Variants in GOLGB1 observed in about 807,000 individuals in gnomAD.
The protein encoded by GOLGB1 is golgin subfamily B member 1.
Under a neutral mutation model 336.9 loss-of-function variants are expected in GOLGB1, and 174 were observed. The ratio of observed to expected loss-of-function variants is 0.52; its 90% confidence interval spans 0.46 to 0.59. The LOEUF (loss-of-function observed/expected upper bound fraction) is 0.59, where lower values mean the gene tolerates loss of function less well. GOLGB1 is among the 20% of genes least tolerant of loss of function. The pLI is 0.00. For synonymous variants in GOLGB1, 1,208 were observed against 1,289.2 expected, an observed-to-expected ratio of 0.94 and a Z score of 1.35; for missense variants, 3,331 against 3,645.3, an observed-to-expected ratio of 0.91 and a Z score of 2.22.
rs1942416246 is a variant in GOLGB1, at chr3:121,691,516, T to C, written c.7848A>G (p.Ile2616Met). The change falls in exon 14 of 22, where the codon ATA becomes ATG. Residue 2616 changes from isoleucine (I) to methionine (M), a missense_variant. Ile to Met is a conservative substitution (Grantham distance 10, BLOSUM62 1). Coordinates refer to ENST00000614479, the MANE Select transcript of GOLGB1 (RefSeq NM_001366282.2). ...CTGTTACTTGTCTTGTTAGCTGGGA[T>C]ATAGATACTTTCAAACTCTCAATCT... ...SKEIESLKVS[I>M]SQLTRQVTAL... 1 of 1,612,578 alleles carries C rather than the reference T, an allele frequency of 6.2e-7. No individual in the cohort carries two copies. Among genetic ancestry groups the C allele is most frequent in the Non-Finnish European group, 8.5e-7 (1 of 1,179,492 alleles).
intron 9 of GOLGB1, 40 bp downstream of exon 9, chr3:121,716,697 A>G (rs757650328): frequency 6.7e-7 from 1 of 1,493,836 alleles, no homozygotes; most frequent in African/African-American, 1.4e-5. Context: ...AGCCACTCAG[A>G]TGGTAGAGAT....
chr3:121,694,616 A>G lies in GOLGB1; in HGVS notation c.5907T>C (p.Cys1969=). Residue 1969 remains cysteine (C), a synonymous_variant, in exon 13 of 22, where the codon TGT becomes TGC. Coordinates refer to ENST00000614479, the MANE Select transcript of GOLGB1 (RefSeq NM_001366282.2). ...LESEMKNLKK[C]VSELEEEKQQ... ...GCTTTTCTTCTTCCAATTCACTCAC[A>G]CACTTTTTAAGGTTCTTCATTTCAG... The G allele has an allele frequency of 6.2e-7, 1 of 1,611,952 alleles. No homozygotes were observed. The highest frequency in any genetic ancestry group is 1.7e-5 in the Admixed American group (1 of 60,004).
At chr3:121,745,184 C>T (rs1208218018) in intron 1 of GOLGB1, among the ~76,000 whole-genome samples, 1 of 151,918 alleles carries the variant, frequency 6.6e-6, no homozygotes, top group Non-Finnish European at 1.5e-5. Flanking sequence ...CTCTATTAGG[C>T]TCACTGAGGA....
chr3:121,693,469 C>T (rs1352870990), intron 13 of GOLGB1, among the ~76,000 whole-genome samples: 1 of 152,120 alleles, frequency 6.6e-6, no homozygotes, highest in Non-Finnish European at 1.5e-5. Flanking sequence ...GCCTGGGTGA[C>T]AAGAGCAAGA....
At chr3:121,733,094 C>T (rs1300116899) in intron 1 of GOLGB1, among the ~76,000 whole-genome samples, 2 of 151,506 alleles carry the variant, frequency 1.3e-5, no homozygotes, top group Middle Eastern at 3.2e-3. Context: ...GAGGCCAGGG[C>T]GGGCGGATCA....
chr3:121,730,097 TTA>T, intron 2 of GOLGB1, 80 bp from the exon 3 acceptor site: 1 of 924,844 alleles, frequency 1.1e-6, no homozygotes, highest in Middle Eastern at 2.2e-4. Flanking sequence ...TTCCAACTTT[TTA>T]TGTTTTGCCC....
intron 20 of GOLGB1, among the ~76,000 whole-genome samples, chr3:121,666,607 G>A (rs1938651171): frequency 6.6e-6 from 1 of 152,162 alleles, no homozygotes; most frequent in Admixed American, 6.5e-5. Flanking sequence ...TGGAAAGAAA[G>A]GTATCTCAAG....
At chr3:121,739,760 G>A (rs900238323) in intron 1 of GOLGB1, among the ~76,000 whole-genome samples, 1 of 152,162 alleles carries the variant, frequency 6.6e-6, no homozygotes, top group Non-Finnish European at 1.5e-5. Flanking sequence ...AGAACCTGCT[G>A]TATATAAACA....
Position 121,697,216 on chromosome 3 carries a change from T to G in GOLGB1, c.3307A>C (p.Asn1103His). Residue 1103 changes from asparagine to histidine, a missense_variant, in exon 13 of 22, where the codon AAT becomes CAT. Coordinates refer to ENST00000614479, the MANE Select transcript of GOLGB1 (RefSeq NM_001366282.2). The part of the protein sequence containing the change: ...EQFQALVKQM[N>H]QTLQDKTNQI... The stretch of plus-strand genomic sequence containing the variant: ...TTTGTTTTATCTTGCAAGGTCTGAT[T>G]CATCTGTTTGACCAGAGCCTGGAAT... 6.2e-7 allele frequency: 1 copy of G among 1,614,112 alleles called. No individual in the cohort carries two copies. Among genetic ancestry groups the G allele is most frequent in the Non-Finnish European group, 8.5e-7 (1 of 1,179,980 alleles).
chr3:121,709,623 A>C (rs778779289), intron 10 of GOLGB1, among the ~76,000 whole-genome samples: 1 of 152,214 alleles, frequency 6.6e-6, no homozygotes, highest in Admixed American at 6.5e-5. Context: ...ACTTAGAAAA[A>C]TGTTCAAAAA....
rs181922886 is a variant in GOLGB1 at position 121,703,240 on chromosome 3, C to T, written c.1405-645G>A. Among the ~76,000 whole-genome samples the T allele has an allele frequency of 2.1e-3, 318 of 152,158 alleles. 2 individuals carry two copies. The highest frequency in any genetic ancestry group is 0.012 in the South Asian group (57 of 4,816). Reference sequence around the variant, plus strand: ...TCATACAATTGTAGAATTTTTAAGCCATGAGGGTCTTTACAGCATATTTGA... The same window carrying T: ...TCATACAATTGTAGAATTTTTAAGCTATGAGGGTCTTTACAGCATATTTGA... On this transcript the variant is annotated intron_variant, in intron 10 of 21. Transcript: ENST00000614479.
chr3:121,673,832 T>C (rs1939931281), intron 17 of GOLGB1, among the ~76,000 whole-genome samples: 1 of 152,150 alleles, frequency 6.6e-6, no homozygotes, highest in South Asian at 2.1e-4. Flanking sequence ...GTGATTCACA[T>C]GCCTCAGCCA....
intron 1 of GOLGB1, among the ~76,000 whole-genome samples, chr3:121,733,460 C>G (rs971745268): frequency 6.6e-5 from 10 of 151,962 alleles, no homozygotes; most frequent in African/African-American, 2.4e-4. Context: ...CTATTGAAAA[C>G]CCGAGGAAGA....
intron 2 of GOLGB1, 53 bp downstream of exon 2, chr3:121,730,823 G>A: frequency 6.5e-7 from 1 of 1,540,722 alleles, no homozygotes; most frequent in Middle Eastern, 1.7e-4. Context: ...ATTTTCCTTA[G>A]AAGAACACAG....
chr3:121,725,559 G>T (rs1027771845), intron 5 of GOLGB1, among the ~76,000 whole-genome samples: 4 of 152,162 alleles, frequency 2.6e-5, no homozygotes, highest in African/African-American at 9.7e-5. Flanking sequence ...GTGCAGGAAT[G>T]AGCTAAGACT....
At chr3:121,683,154 GGCCTCCCGA>G (rs1228469600) in intron 14 of GOLGB1, among the ~76,000 whole-genome samples, 1 of 134,244 alleles carries the variant, frequency 7.4e-6, no homozygotes, top group East Asian at 2.2e-4. Context: ...CCTCCACCTT[GGCCTCCCGA>G]AGTGCTGGGA....
At position 121,690,925 on chromosome 3, in the gene GOLGB1, TTGG is replaced by T; in HGVS notation, c.8436_8438del (p.Asn2812_Gln2813delinsLys). 6.2e-7 allele frequency: 1 copy of T among 1,614,162 alleles called. No homozygotes were observed. Among genetic ancestry groups the T allele is most frequent in the Non-Finnish European group, 8.5e-7 (1 of 1,179,988 alleles). On this transcript the variant is annotated inframe_deletion, in exon 14 of 22. Coordinates refer to ENST00000614479, the MANE Select transcript of GOLGB1 (RefSeq NM_001366282.2). Reference sequence around the variant, plus strand: ...ATTGCTCATCTTTGGATAGGAGCTGTTGGTTAAGTTTCTCAAGGTGAGACAAGC... The same window carrying T: ...ATTGCTCATCTTTGGATAGGAGCTGTTTAAGTTTCTCAAGGTGAGACAAGC...
intron 1 of GOLGB1, among the ~76,000 whole-genome samples, chr3:121,740,066 G>A (rs1427120131): frequency 6.6e-6 from 1 of 152,170 alleles, no homozygotes; most frequent in Non-Finnish European, 1.5e-5. Flanking sequence ...AGAGGGGTTG[G>A]GGTGGGAAGT....
rs147250216 is a variant in GOLGB1 at position 121,695,959 on chromosome 3, T to A, written c.4564A>T (p.Thr1522Ser). The A allele has an allele frequency of 1.6e-5, 26 of 1,613,902 alleles. No homozygotes were observed. The highest frequency in any genetic ancestry group is 2.0e-5 in the Non-Finnish European group (24 of 1,179,882). Residue 1522 changes from threonine to serine, a missense_variant, in exon 13 of 22, where the codon ACC (threonine) becomes TCC (serine). By Grantham distance (58) the Thr-to-Ser change is moderately conservative (BLOSUM62 1). Coordinates refer to ENST00000614479, the MANE Select transcript of GOLGB1 (RefSeq NM_001366282.2). ...SLARGTIERL[T>S]KSLADVESQV... ...CTTTCCACATCTGCCAGAGACTTGGTGAGACGTTCAATGGTACCTCTGGCC... is the reference window on the plus strand; with the variant it reads ...CTTTCCACATCTGCCAGAGACTTGGAGAGACGTTCAATGGTACCTCTGGCC...
Sources: gnomAD v4.1 joint callset for allele counts (sites outside exome capture counted in the v4.1 genomes callset) on GRCh38, gnomAD v4.1.1 for gene constraint, MANE v1.5 for transcripts, NCBI Gene and HGNC (gene_info 2026-07-23, HGNC 2026-07-21) for gene names.